PTPRK: variants seen among roughly 807,000 people sequenced by gnomAD.
PTPRK encodes the protein protein tyrosine phosphatase receptor type K.
PTPRK carries 75 observed loss-of-function variants against 178.0 expected under a neutral mutation model. The observed-to-expected ratio is 0.42, with a 90% confidence interval of 0.35 to 0.51. The LOEUF (loss-of-function observed/expected upper bound fraction) is 0.51. Ranked by LOEUF, PTPRK falls within the 20% of genes least tolerant of loss-of-function variation. PTPRK has a pLI of 0.02. For synonymous variants in PTPRK, 637 were observed against 620.6 expected (o/e 1.03, Z -0.39); for missense variants, 1,441 against 1,797.8 (o/e 0.80, Z 3.59).
chr6:128,385,873 G>A (rs1373211133), intron 2 of PTPRK, among the ~76,000 whole-genome samples: 1 of 152,076 alleles, frequency 6.6e-6, no homozygotes, highest in Admixed American at 6.5e-5. Context: ...GACTATACCA[G>A]GTTACTAAGC....
intron 7 of PTPRK, among the ~76,000 whole-genome samples, chr6:128,164,814 A>T (rs1038212281): frequency 6.6e-6 from 1 of 151,234 alleles, no homozygotes; most frequent in Admixed American, 6.6e-5. Flanking sequence ...AATATACATT[A>T]TATGGAATAT....
At chr6:128,190,113 C>T (rs1158847083) in intron 6 of PTPRK, among the ~76,000 whole-genome samples, 1 of 152,088 alleles carries the variant, frequency 6.6e-6, no homozygotes, top group Non-Finnish European at 1.5e-5. Context: ...ATATGTATAA[C>T]AACACAATTT....
intron 1 of PTPRK, among the ~76,000 whole-genome samples, chr6:128,502,645 G>T (rs1232205183): frequency 6.6e-6 from 1 of 152,072 alleles, no homozygotes; most frequent in Non-Finnish European, 1.5e-5. Flanking sequence ...AATTTTGTGG[G>T]CCAGTTATTA....
intron 27 of PTPRK, 51 bp downstream of exon 27, chr6:127,976,606 G>C: frequency 6.2e-7 from 1 of 1,603,116 alleles, no homozygotes; most frequent in East Asian, 2.2e-5. Context: ...CCACATCTTG[G>C]TTATGACTGA....
rs564230542 is a variant in PTPRK, at chr6:128,294,543, G to A, written c.495+27496C>T. The stretch of plus-strand genomic sequence containing the variant: ...TAGTGAAGTCTGGAAATGTTTACTT[G>A]CATTTTTCATACTAAATTTTTATTA... On this transcript the variant is annotated intron_variant, in intron 3 of 29. Transcript: ENST00000368226. Among the ~76,000 whole-genome samples the A allele has an allele frequency of 2.0e-5, 3 of 151,960 alleles. No individual in the cohort carries two copies. The East Asian group carries it at 5.8e-4, about 29-fold the overall frequency.
chr6:128,271,014 A>G (rs1337581714), intron 3 of PTPRK, among the ~76,000 whole-genome samples: 5 of 152,072 alleles, frequency 3.3e-5, no homozygotes, highest in African/African-American at 1.2e-4. Flanking sequence ...GGCAAGTAAG[A>G]TTTGTTTTAT....
intron 14 of PTPRK, chr6:128,008,194 T>C (rs1778647784): frequency 1.9e-6 from 1 of 528,148 alleles, no homozygotes; most frequent in Non-Finnish European, 3.0e-6. Flanking sequence ...TTATTTCAAG[T>C]ATAAAATAAC....
Position 128,322,179 on chromosome 6 carries a change from T to C in PTPRK, c.355A>G (p.Asn119Asp), listed in dbSNP as rs1197325195. The change falls in exon 3 of 30, where the codon AAT (asparagine) becomes GAT (aspartate). Residue 119 changes from asparagine to aspartate, a missense_variant. Around this residue, in one of 4 missense-constraint regions of PTPRK, gnomAD observed 158 missense variants for 188.0 expected, o/e 0.84. Transcript: ENST00000368226. ...ACTAATATGTTCAAAGTGCCAGGAT[T>C]CAGTCCTTTCTGGCTATATAATAGG... ...SYLLYSQKGL[N>D]PGTLNILVRV... is the part of the protein sequence containing the mutation. 6.2e-7 allele frequency: 1 copy of C among 1,613,922 alleles called. No homozygotes were observed. The highest frequency in any genetic ancestry group is 2.2e-5 in the East Asian group (1 of 44,864).
intron 1 of PTPRK, among the ~76,000 whole-genome samples, chr6:128,472,458 G>T (rs1466240999): frequency 4.3e-5 from 6 of 137,934 alleles, no homozygotes; most frequent in Non-Finnish European, 7.6e-5. Flanking sequence ...CCCTGAATTT[G>T]TTTTTATCTT....
intron 13 of PTPRK, among the ~76,000 whole-genome samples, chr6:128,059,228 A>G (rs1780417354): frequency 1.3e-5 from 2 of 152,122 alleles, no homozygotes; most frequent in Non-Finnish European, 2.9e-5. Context: ...TTAATGTAGG[A>G]GCACTGACAT....
In PTPRK at chr6:128,399,683, G is replaced by A. The variant is rs188406652; in HGVS notation, c.101-1995C>T. On this transcript the variant is annotated intron_variant, in intron 1 of 29. Transcript: ENST00000368226. ...CTTTATAATAGTGTGAGTGCCCTCT[G>A]TATATAAATTTAAACTACCAGTGGG... Among the ~76,000 whole-genome samples, 1,237 of 152,282 alleles carry A rather than the reference G, an allele frequency of 8.1e-3. 9 individuals are homozygous for A. Among genetic ancestry groups the A allele is most frequent in the Non-Finnish European group, 0.014 (971 of 68,012 alleles).
chr6:128,125,798 C>T (rs1261739534), intron 7 of PTPRK, among the ~76,000 whole-genome samples: 2 of 151,480 alleles, frequency 1.3e-5, no homozygotes, highest in African/African-American at 4.8e-5. Context: ...TTAGTAGAGA[C>T]AGGGTTTCAC....
chr6:128,045,170 GA>G (rs2114850696), intron 13 of PTPRK, among the ~76,000 whole-genome samples: 1 of 152,086 alleles, frequency 6.6e-6, no homozygotes, highest in East Asian at 1.9e-4. Context: ...CTCTTTAGTA[GA>G]ATACTTACGT....
chr6:128,319,898 A>G (rs1378995402), intron 3 of PTPRK, among the ~76,000 whole-genome samples: 1 of 152,200 alleles, frequency 6.6e-6, no homozygotes, highest in Non-Finnish European at 1.5e-5. Context: ...TAATTTACTG[A>G]GCACTAAGCA....
intron 7 of PTPRK, among the ~76,000 whole-genome samples, chr6:128,135,800 G>A (rs377117836): frequency 3.0e-4 from 45 of 151,588 alleles, no homozygotes; most frequent in African/African-American, 1.0e-3. Context: ...ACATTTAGAG[G>A]TTGGCCATTG....
rs1046858347 is a variant in PTPRK, at chr6:128,519,604, G to A, written c.100+655C>T. Among the ~76,000 whole-genome samples the A allele has an allele frequency of 6.6e-6, 1 of 152,210 alleles. No individual in the cohort carries two copies. Among genetic ancestry groups the A allele is most frequent in the African/African-American group, 2.4e-5 (1 of 41,456 alleles). ...ACCTCGATGCCCATGAACGCTCAGA[G>A]TGGGTCCTTAGAACCGCATTTCAAC... On this transcript the variant is annotated intron_variant, in intron 1 of 29. Coordinates refer to ENST00000368226, the MANE Select transcript of PTPRK (RefSeq NM_002844.4). This position sits in a 1 kb window ranked among gnomAD's most constrained non-coding sequence, Gnocchi z 4.3.
At chr6:128,489,327 G>A (rs1853429799) in intron 1 of PTPRK, among the ~76,000 whole-genome samples, 1 of 152,142 alleles carries the variant, frequency 6.6e-6, no homozygotes, top group Non-Finnish European at 1.5e-5. Flanking sequence ...TTGTTCCAAA[G>A]GCAGTTTATG....
At chr6:128,120,570 T>C (rs35231373) in intron 7 of PTPRK, among the ~76,000 whole-genome samples, 3 of 152,086 alleles carry the variant, frequency 2.0e-5, no homozygotes, top group Admixed American at 2.0e-4. Context: ...TTCCTTATGG[T>C]TGTATTTTAT....
At chr6:128,346,612 A>G (rs2128334825) in intron 2 of PTPRK, among the ~76,000 whole-genome samples, 1 of 152,290 alleles carries the variant, frequency 6.6e-6, no homozygotes, top group South Asian at 2.1e-4. Context: ...AAAGAAAGAT[A>G]AAACATTTAT....
Sources: allele counts gnomAD v4.1 joint callset (sites outside exome capture counted in the v4.1 genomes callset), GRCh38; gene constraint gnomAD v4.1.1; regional missense constraint gnomAD v4.1.1; non-coding constraint Gnocchi (gnomAD v3.1); transcripts MANE v1.5; gene names NCBI Gene and HGNC (gene_info 2026-07-23, HGNC 2026-07-21).